The following RYR3 variants were observed in gnomAD, a reference collection of about 807,000 sequenced individuals.
RYR3 encodes brain ryanodine receptor-calcium release channel.
In RYR3, 207 loss-of-function variants were observed where a neutral mutation model predicts 584.3. The observed-to-expected ratio is 0.35, with a 90% CI of 0.32 to 0.40. The LOEUF (loss-of-function observed/expected upper bound fraction) is 0.40, where lower values mean the gene tolerates loss of function less well. RYR3 is among the 10% of genes least tolerant of loss of function. The pLI, the probability that RYR3 is intolerant of heterozygous loss-of-function variation, is 1.00. For missense variants in RYR3, 5,616 were observed against 6,089.2 expected, an observed-to-expected ratio of 0.92 and a Z score of 2.59; for synonymous variants, 2,416 against 2,248.5, an observed-to-expected ratio of 1.07 and a Z score of -2.11.
chr15:33,823,212 T>C (rs1296847982), intron 81 of RYR3, 140 bp downstream of exon 81: 2 of 626,350 alleles, frequency 3.2e-6, no homozygotes, highest in Non-Finnish European at 5.4e-6. Flanking sequence ...GCTAAGAGAG[T>C]AGGTGTTGTT....
chr15:33,818,715 A>G (rs774998144), intron 76 of RYR3, 31 bp downstream of exon 76: 3 of 1,499,332 alleles, frequency 2.0e-6, no homozygotes, highest in South Asian at 2.3e-5. Flanking sequence ...TGCTTCTCCC[A>G]GGCACCAGGG....
intron 43 of RYR3, among the ~76,000 whole-genome samples, chr15:33,717,322 G>A (rs1039612181): frequency 6.6e-6 from 1 of 152,114 alleles, no homozygotes; most frequent in Non-Finnish European, 1.5e-5. Context: ...ACATCTTAAA[G>A]CTGAGTATGT....
intron 18 of RYR3, 87 bp from the exon 19 acceptor site, chr15:33,613,096 C>T (rs1328296536): frequency 1.0e-6 from 1 of 960,330 alleles, no homozygotes; most frequent in African/African-American, 1.6e-5. Flanking sequence ...CACACCTCCC[C>T]ACCTCCCGCA....
intron 32 of RYR3, among the ~76,000 whole-genome samples, chr15:33,655,283 A>T (rs1185965509): frequency 6.6e-6 from 1 of 152,238 alleles, no homozygotes; most frequent in Non-Finnish European, 1.5e-5. Flanking sequence ...TTTTATATAC[A>T]TTACTGCTGT....
chr15:33,757,118 C>G (rs2071917953), intron 59 of RYR3, among the ~76,000 whole-genome samples: 1 of 152,212 alleles, frequency 6.6e-6, no homozygotes, highest in South Asian at 2.1e-4. Flanking sequence ...CTCTGAGAAG[C>G]AGACAGAATG....
At chr15:33,726,921 C>T (rs8036793) in intron 46 of RYR3, among the ~76,000 whole-genome samples, 37,578 of 152,202 alleles carry the variant, frequency 0.25, 5,381 homozygotes, top group East Asian at 0.57. Flanking sequence ...TGAAATAATT[C>T]GGAAGTAATG....
chr15:33,349,099 C>T (rs538033058), intron 1 of RYR3, among the ~76,000 whole-genome samples: 6 of 136,978 alleles, frequency 4.4e-5, no homozygotes, highest in Admixed American at 1.5e-4. Flanking sequence ...GGCTTGATAG[C>T]TTGTGCCTTT....
chr15:33,864,197 ATTAAGAATCATATACCCGT>A lies in RYR3; in HGVS notation c.14517+9_14517+27del. 1 of 1,604,792 alleles carries A rather than the reference ATTAAGAATCATATACCCGT, an allele frequency of 6.2e-7. No individual in the cohort carries two copies. The highest frequency in any genetic ancestry group is 8.5e-7 in the Non-Finnish European group (1 of 1,173,776). On this transcript the variant is annotated intron_variant, in intron 103 of 103. Transcript: ENST00000634891. Reference sequence around the variant, plus strand: ...ACAGAGCACACGGGTCAGGTGAGAAATTAAGAATCATATACCCGTGTTAGATCTCCCTTTCCTAAATCTT... The same window carrying A: ...ACAGAGCACACGGGTCAGGTGAGAAAGTTAGATCTCCCTTTCCTAAATCTT...
intron 67 of RYR3, among the ~76,000 whole-genome samples, chr15:33,793,983 A>C (rs1284213909): frequency 7.5e-6 from 1 of 133,826 alleles, no homozygotes; most frequent in African/African-American, 2.7e-5. Flanking sequence ...TATATAAATA[A>C]ATATATAAAT....
rs988546119 is a variant in RYR3 at position 33,390,630 on chromosome 15, C to T, written c.51+79534C>T. 2.6e-5 allele frequency among the ~76,000 whole-genome samples: 4 copies of T among 152,230 alleles called. No individual in the cohort carries two copies. The highest frequency in any genetic ancestry group is 5.9e-5 in the Non-Finnish European group (4 of 68,010). On this transcript the variant is annotated intron_variant, in intron 1 of 103. Coordinates refer to ENST00000634891, the MANE Select transcript of RYR3 (RefSeq NM_001036.6). This position sits in a 1 kb window ranked among gnomAD's most constrained non-coding sequence, Gnocchi z 4.2. ...TGTCTGCAAGGGTGGGGGTCTTGGC[C>T]GACACCTGGGAACTTGGTACTTGTC...
intron 93 of RYR3, chr15:33,847,638 A>C (rs1411526368): frequency 6.6e-6 from 1 of 152,304 alleles, no homozygotes; most frequent in Non-Finnish European, 1.5e-5. Context: ...GTAGGTCCTT[A>C]GAGCCATACC....
At position 33,613,232 on chromosome 15, in the gene RYR3, G is replaced by A. The variant is rs201215774; in HGVS notation, c.2214G>A (p.Ser738=). Reference sequence around the variant, plus strand: ...CCATCAACCAGCACCTCCTGAGATCGGATGACGTGGTAAGCTGCTGCCTGG... The same window carrying A: ...CCATCAACCAGCACCTCCTGAGATCAGATGACGTGGTAAGCTGCTGCCTGG... The part of the protein sequence containing the change: ...VASINQHLLR[S]DDVVSCCLDL... The change falls in exon 19 of 104, where the codon TCG becomes TCA. Residue 738 remains serine, a synonymous_variant. Transcript: ENST00000634891. The A allele has an allele frequency of 1.4e-3, 2,325 of 1,613,892 alleles. 6 individuals carry two copies. Among genetic ancestry groups the A allele is most frequent in the Non-Finnish European group, 1.8e-3 (2,081 of 1,179,834 alleles).
At chr15:33,488,317 A>C (rs1460608075) in intron 2 of RYR3, among the ~76,000 whole-genome samples, 1 of 152,216 alleles carries the variant, frequency 6.6e-6, no homozygotes, top group Non-Finnish European at 1.5e-5. Context: ...ATAGGTATTC[A>C]TACATAGGCA....
chr15:33,819,367 G>C (rs1391703878), intron 76 of RYR3, among the ~76,000 whole-genome samples: 1 of 151,988 alleles, frequency 6.6e-6, no homozygotes, highest in Non-Finnish European at 1.5e-5. Context: ...CTTTATTGTG[G>C]GGTCCAAAGA....
At position 33,615,069 on chromosome 15, in the gene RYR3, A is replaced by G. The variant is rs115552179; in HGVS notation, c.2357+1694A>G. 3.2e-3 allele frequency among the ~76,000 whole-genome samples: 486 copies of G among 152,290 alleles called. 4 individuals carry two copies. The highest frequency in any genetic ancestry group is 0.011 in the African/African-American group (466 of 41,562). On this transcript the variant is annotated intron_variant, in intron 19 of 103. Coordinates refer to ENST00000634891, the MANE Select transcript of RYR3 (RefSeq NM_001036.6). ...AATGTCTGTAAGGCAAAACCCCACA[A>G]TAACCCTTCTTTCCCAAACTTTCCT...
At chr15:33,772,734 T>G (rs2152889638) in intron 63 of RYR3, among the ~76,000 whole-genome samples, 1 of 152,332 alleles carries the variant, frequency 6.6e-6, no homozygotes, top group South Asian at 2.1e-4. Flanking sequence ...CATGATTTAA[T>G]TTGACCAGTT....
intron 19 of RYR3, among the ~76,000 whole-genome samples, chr15:33,614,937 T>C (rs570241655): frequency 3.3e-5 from 5 of 152,334 alleles, no homozygotes; most frequent in African/African-American, 1.2e-4. Context: ...ATTGGGCTTG[T>C]GCTATGCATG....
In RYR3 at chr15:33,659,831, T is replaced by A. The variant is rs761441616; in HGVS notation, c.4395+25T>A. ...GGTATTTATTTGTCCTCTCATCTAA[T>A]GGCCATGACAAGAGAAAGCAGCACT... On this transcript the variant is annotated intron_variant, in intron 33 of 103. Coordinates refer to ENST00000634891, the MANE Select transcript of RYR3 (RefSeq NM_001036.6). The A allele has an allele frequency of 2.7e-5, 40 of 1,468,618 alleles. 1 individual carries two copies. The Middle Eastern group carries it at 5.2e-4, about 19-fold the overall frequency. 91.0% of individuals were successfully genotyped at this position (1,468,618 alleles called of 1,614,324 possible).
chr15:33,852,802 C>G (rs1405626544), intron 94 of RYR3: 2 of 413,892 alleles, frequency 4.8e-6, no homozygotes, highest in Non-Finnish European at 8.8e-6. Context: ...AATCATAATT[C>G]TGAGGCAGAA....
Sources: gnomAD v4.1 joint callset for allele counts (sites outside exome capture counted in the v4.1 genomes callset) on GRCh38, gnomAD v4.1.1 for gene constraint, Gnocchi (gnomAD v3.1) non-coding constraint, MANE v1.5 for transcripts, NCBI Gene and HGNC (gene_info 2026-07-23, HGNC 2026-07-21) for gene names.